NEURL1B: variants seen among roughly 807,000 people sequenced by gnomAD.
The protein encoded by NEURL1B is neuralized E3 ubiquitin protein ligase 1B, also known as E3 ubiquitin-protein ligase NEURL1B.
NEURL1B carries 13 observed loss-of-function variants against 37.4 expected under a neutral mutation model. That is an observed-to-expected ratio of 0.35 (90% CI 0.23 to 0.55). The LOEUF (loss-of-function observed/expected upper bound fraction) is 0.55, where lower values mean the gene tolerates loss of function less well. Ranked by LOEUF, NEURL1B falls within the 20% of genes least tolerant of loss-of-function variation. The pLI, the probability that NEURL1B is intolerant of heterozygous loss-of-function variation, is 0.89. For synonymous variants in NEURL1B, 432 were observed against 426.6 expected (o/e 1.01, Z -0.16); for missense variants, 790 against 879.2 (o/e 0.90, Z 1.28).
rs1458194961 is a variant in NEURL1B, at chr5:172,690,310, C to T, written c.*3385C>T. The T allele has an allele frequency of 1.3e-5, 2 of 152,280 alleles. No homozygotes were observed. Among genetic ancestry groups the T allele is most frequent in the Non-Finnish European group, 2.9e-5 (2 of 68,074 alleles). The allele number at this position is 152,280 out of a possible 1,614,324, so 9.4% of individuals were successfully genotyped here. A position where few individuals can be genotyped will look rare whatever the true frequency, so the allele number is the denominator to read the frequency against. ...CTCCCCTCACGGCAGCACCACGTTTCCAGTCCCTCGATGCCACTAATCAGC... is the reference window on the plus strand; with the variant it reads ...CTCCCCTCACGGCAGCACCACGTTTTCAGTCCCTCGATGCCACTAATCAGC... On this transcript the variant is annotated 3_prime_UTR_variant, in exon 5 of 5. Transcript: ENST00000369800.
intron 1 of NEURL1B, among the ~76,000 whole-genome samples, chr5:172,666,947 A>T (rs1379454350): frequency 2.6e-5 from 4 of 152,016 alleles, no homozygotes; most frequent in Non-Finnish European, 4.4e-5. Context: ...GGCTTGTTGG[A>T]GGAGATGATC....
chr5:172,656,696 A>G (rs549232974), intron 1 of NEURL1B: 2 of 1,429,386 alleles, frequency 1.4e-6, no homozygotes, highest in South Asian at 2.4e-5. Flanking sequence ...TCTTCTTGCC[A>G]CCTTCGCGGC....
chr5:172,658,879 C>A (rs1278229257), intron 1 of NEURL1B, among the ~76,000 whole-genome samples: 1 of 152,196 alleles, frequency 6.6e-6, no homozygotes, highest in East Asian at 1.9e-4. Context: ...GCCTCAGGGA[C>A]ACTCAGCCCT....
In NEURL1B at chr5:172,686,530, T is replaced by C; in HGVS notation, c.1424-151T>C. The C allele has an allele frequency of 1.0e-6, 1 of 1,000,606 alleles. No homozygotes were observed. The highest frequency in any genetic ancestry group is 1.4e-6 in the Non-Finnish European group (1 of 691,376). 62.0% of individuals were successfully genotyped at this position (1,000,606 alleles called of 1,614,324 possible). A position where few individuals can be genotyped will look rare whatever the true frequency, so the allele number is the denominator to read the frequency against. Reference sequence around the variant, plus strand: ...TTGGGAGTAGAAGAGTAGAGAAAGGTGCAAAACCTGCAAGGTAAACTCAAA... The same window carrying C: ...TTGGGAGTAGAAGAGTAGAGAAAGGCGCAAAACCTGCAAGGTAAACTCAAA... On this transcript the variant is annotated intron_variant, in intron 4 of 4. Coordinates refer to ENST00000369800, the MANE Select transcript of NEURL1B (RefSeq NM_001142651.3). The surrounding 1 kb of genome is among the most constrained non-coding windows in gnomAD (Gnocchi z 7.9).
At chr5:172,666,764 C>G (rs1034134022) in intron 1 of NEURL1B, among the ~76,000 whole-genome samples, 1 of 152,186 alleles carries the variant, frequency 6.6e-6, no homozygotes, top group African/African-American at 2.4e-5. Context: ...TCAGCCACCC[C>G]TCGTGGGCCT....
At chr5:172,672,549 C>CCCCA (rs1554098436) in intron 2 of NEURL1B, among the ~76,000 whole-genome samples, 1 of 148,022 alleles carries the variant, frequency 6.8e-6, no homozygotes, top group Non-Finnish European at 1.5e-5. Context: ...CTCCCCCCCC[C>CCCCA]ACTCTATTTC....
chr5:172,642,441 A>AGT (rs142007036), intron 1 of NEURL1B, among the ~76,000 whole-genome samples: 2 of 151,990 alleles, frequency 1.3e-5, no homozygotes, highest in Non-Finnish European at 1.5e-5. Context: ...AGGTGAGAGG[A>AGT]GTGTGTGTGT....
chr5:172,689,452 A>G lies in NEURL1B; in HGVS notation c.*2527A>G, dbSNP rs542364077. The G allele has an allele frequency of 3.3e-5, 5 of 152,358 alleles. No individual in the cohort carries two copies. Among genetic ancestry groups the G allele is most frequent in the East Asian group, 1.9e-4 (1 of 5,176 alleles). 9.4% of individuals were successfully genotyped at this position (152,358 alleles called of 1,614,324 possible). On this transcript the variant is annotated 3_prime_UTR_variant, in exon 5 of 5. Transcript: ENST00000369800. ...TGCTGGTCATAAAACACTGTTTTAC[A>G]TACCATAGGGAAAAACGCTGCCAAT...
intron 1 of NEURL1B, among the ~76,000 whole-genome samples, chr5:172,648,534 G>C (rs1757601484): frequency 6.6e-6 from 1 of 152,242 alleles, no homozygotes; most frequent in Non-Finnish European, 1.5e-5. Context: ...CGTAGGCACA[G>C]AGAGGGAAGG....
At position 172,690,492 on chromosome 5, in the gene NEURL1B, C is replaced by T. The variant is rs890312711; in HGVS notation, c.*3567C>T. 1 of 152,192 alleles carries T rather than the reference C, an allele frequency of 6.6e-6. No individual in the cohort carries two copies. Among genetic ancestry groups the T allele is most frequent in the East Asian group, 1.9e-4 (1 of 5,182 alleles). 9.4% of individuals were successfully genotyped at this position (152,192 alleles called of 1,614,324 possible). The stretch of plus-strand genomic sequence containing the variant: ...TGATAAAACAGCACCACATAACGCA[C>T]ACAAAGATACTCCAGAAACATTTGC... On this transcript the variant is annotated 3_prime_UTR_variant, in exon 5 of 5. Transcript: ENST00000369800.
intron 1 of NEURL1B, among the ~76,000 whole-genome samples, chr5:172,645,348 C>G (rs1283202093): frequency 6.6e-6 from 1 of 152,192 alleles, no homozygotes; most frequent in Non-Finnish European, 1.5e-5. Flanking sequence ...CTGACATCCT[C>G]CCTTGCAGAG....
intron 1 of NEURL1B, among the ~76,000 whole-genome samples, chr5:172,659,696 G>A (rs1019282545): frequency 6.6e-6 from 1 of 152,062 alleles, no homozygotes; most frequent in Non-Finnish European, 1.5e-5. Flanking sequence ...CCCCTGCATG[G>A]CCTTTAAGAC....
At chr5:172,656,776 C>T in intron 1 of NEURL1B, 1 of 707,676 alleles carries the variant, frequency 1.4e-6, no homozygotes, top group Non-Finnish European at 2.5e-6. Flanking sequence ...ATTGAACACA[C>T]TGACATATTA....
In NEURL1B at chr5:172,686,901, C is replaced by G. The variant is rs568049488; in HGVS notation, c.1644C>G (p.Asp548Glu). 3.2e-6 allele frequency: 5 copies of G among 1,549,898 alleles called. No homozygotes were observed. The highest frequency in any genetic ancestry group is 8.7e-7 in the Non-Finnish European group (1 of 1,146,268). The change falls in exon 5 of 5, where the codon GAC (aspartate) becomes GAG (glutamate). Residue 548 changes from aspartate (D) to glutamate (E), a missense_variant. By Grantham distance (45) the Asp-to-Glu change is conservative. Around this residue, in one of 3 missense-constraint regions of NEURL1B, gnomAD observed 115 missense variants for 162.6 expected, o/e 0.71. Transcript: ENST00000369800. The surrounding 1 kb of genome is among the most constrained non-coding windows in gnomAD (Gnocchi z 7.9). ...CCATCTGCCGGCGGCCCATCAAGGA[C>G]GTCATTAAGATCTACAGGCCATAGC... ...CCPICRRPIKDVIKIYRP is the reference protein window; with the variant it reads ...CCPICRRPIKEVIKIYRP
At chr5:172,656,694 C>T in intron 1 of NEURL1B, 1 of 1,442,162 alleles carries the variant, frequency 6.9e-7, no homozygotes, top group South Asian at 1.2e-5. Context: ...CTTCTTCTTG[C>T]CACCTTCGCG....
At chr5:172,684,222 C>CGCCCCT in intron 3 of NEURL1B, 84 bp downstream of exon 3, 1 of 1,101,000 alleles carries the variant, frequency 9.1e-7, no homozygotes, top group Non-Finnish European at 1.1e-6. Flanking sequence ...TCCCCGGCCC[C>CGCCCCT]GCCCCTCTCG....
chr5:172,646,481 G>A (rs902819431), intron 1 of NEURL1B, among the ~76,000 whole-genome samples: 2 of 152,202 alleles, frequency 1.3e-5, no homozygotes, highest in Non-Finnish European at 1.5e-5. Context: ...AAACCAAGGG[G>A]CTGAAGATGG....
chr5:172,690,682 C>T lies in NEURL1B; in HGVS notation c.*3757C>T, dbSNP rs1758631833. 6.6e-6 allele frequency: 1 copy of T among 152,120 alleles called. No individual in the cohort carries two copies. Among genetic ancestry groups the T allele is most frequent in the East Asian group, 1.9e-4 (1 of 5,186 alleles). 9.4% of individuals were successfully genotyped at this position (152,120 alleles called of 1,614,324 possible). Reference sequence around the variant, plus strand: ...GCCTTGGGTCTGTTGAGGTGGGTGCCCAAAGGCTGCCTTCTTGACCAGAAC... The same window carrying T: ...GCCTTGGGTCTGTTGAGGTGGGTGCTCAAAGGCTGCCTTCTTGACCAGAAC... On this transcript the variant is annotated 3_prime_UTR_variant, in exon 5 of 5. Coordinates refer to ENST00000369800, the MANE Select transcript of NEURL1B (RefSeq NM_001142651.3).
Position 172,686,124 on chromosome 5 carries a change from C to T in NEURL1B, c.1298-47C>T, listed in dbSNP as rs1353421931. 3.9e-6 allele frequency: 6 copies of T among 1,545,794 alleles called. No individual in the cohort carries two copies. The Admixed American group carries it at 9.9e-5, about 26-fold the overall frequency. On this transcript the variant is annotated intron_variant, in intron 3 of 4. Transcript: ENST00000369800. The surrounding 1 kb of genome is among the most constrained non-coding windows in gnomAD (Gnocchi z 7.9). ...AGTGAAGAACCATGGACTAGCAGGG[C>T]AGGTCCAACCTTCCACTGCCCCTGA...
Sources: allele counts gnomAD v4.1 joint callset (sites outside exome capture counted in the v4.1 genomes callset), GRCh38; gene constraint gnomAD v4.1.1; regional missense constraint gnomAD v4.1.1; non-coding constraint Gnocchi (gnomAD v3.1); transcripts MANE v1.5; gene names NCBI Gene and HGNC (gene_info 2026-07-23, HGNC 2026-07-21).